The following PTCD1 variants were observed in gnomAD, a reference collection of about 807,000 sequenced individuals.
PTCD1 encodes the protein pentatricopeptide repeat domain 1, also known as pentatricopeptide repeat-containing protein 1, mitochondrial.
Under a neutral mutation model 53.4 loss-of-function variants are expected in PTCD1, and 50 were observed. The ratio of observed to expected loss-of-function variants is 0.94; its 90% CI spans 0.75 to 1.19. PTCD1 has a LOEUF of 1.19. PTCD1 is among the 50% of genes most tolerant of loss of function. PTCD1 has a pLI of 0.00. For missense variants in PTCD1, 918 were observed against 904.8 expected (o/e 1.01, Z -0.19); for synonymous variants, 413 against 394.8 (o/e 1.05, Z -0.55).
At chr7:99,434,478 AGG>A (rs1796382682) in intron 2 of PTCD1, among the ~76,000 whole-genome samples, 2 of 151,252 alleles carry the variant, frequency 1.3e-5, no homozygotes, top group Non-Finnish European at 2.9e-5. Flanking sequence ...GAGTGCTAGA[AGG>A]GTGTGGAGGA....
At chr7:99,438,637 T>C in intron 1 of PTCD1, 55 bp downstream of exon 1, 1 of 1,217,784 alleles carries the variant, frequency 8.2e-7, no homozygotes, top group East Asian at 8.7e-5. Context: ...CCTTCCCCTC[T>C]GGCGTGTCTT....
In PTCD1 at chr7:99,425,298, G is replaced by A. The variant is rs143293943; in HGVS notation, c.1234C>T (p.Pro412Ser). ...PEARVPGKAQPEVDTKAEPSH... is the reference protein window; with the variant it reads ...PEARVPGKAQSEVDTKAEPSH... ...GGCTCTGCCTTAGTATCCACCTCTG[G>A]TTGGGCCTTGCCGGGCACTCTGGCT... The change falls in exon 6 of 8, where the codon CCA (proline) becomes TCA (serine). Residue 412 changes from proline (P) to serine (S), a missense_variant. Transcript: ENST00000292478. The A allele has an allele frequency of 6.9e-4, 1,118 of 1,614,038 alleles. 1 individual carries two copies. Among genetic ancestry groups the A allele is most frequent in the Non-Finnish European group, 8.7e-4 (1,024 of 1,180,020 alleles).
chr7:99,431,420 A>AC (rs1321806775), intron 3 of PTCD1, among the ~76,000 whole-genome samples: 1 of 151,128 alleles, frequency 6.6e-6, no homozygotes, highest in Non-Finnish European at 1.5e-5. Flanking sequence ...GAGCCACCGC[A>AC]CCTGGCCAAA....
chr7:99,432,649 C>T (rs912361737), intron 3 of PTCD1, among the ~76,000 whole-genome samples: 1 of 152,210 alleles, frequency 6.6e-6, no homozygotes, highest in Non-Finnish European at 1.5e-5. Context: ...ATGCTGAGCA[C>T]CGGTCCCAGG....
At chr7:99,433,710 G>T (rs1010435189) in intron 2 of PTCD1, among the ~76,000 whole-genome samples, 9 of 152,178 alleles carry the variant, frequency 5.9e-5, no homozygotes, top group African/African-American at 2.2e-4. Context: ...TGCATATACG[G>T]CTGGGAACAA....
At chr7:99,428,058 C>T (rs1796121428) in intron 5 of PTCD1, among the ~76,000 whole-genome samples, 1 of 151,266 alleles carries the variant, frequency 6.6e-6, no homozygotes, top group African/African-American at 2.4e-5. Flanking sequence ...GTCCTATGAC[C>T]CTGCCAAATC....
chr7:99,427,438 G>A (rs1345547977), intron 5 of PTCD1, among the ~76,000 whole-genome samples: 4 of 148,892 alleles, frequency 2.7e-5, no homozygotes. Context: ...GGGAAGTGAG[G>A]AGCCCCTCTG....
chr7:99,419,248 C>A lies in PTCD1; in HGVS notation c.*719G>T. ...CATGAGGGAGCCAAATTTTCCCTGTCCAGAGCTGTCAAGGAAGGGTTTCTG... is the reference window on the plus strand; with the variant it reads ...CATGAGGGAGCCAAATTTTCCCTGTACAGAGCTGTCAAGGAAGGGTTTCTG... On this transcript the variant is annotated 3_prime_UTR_variant, in exon 8 of 8. Coordinates refer to ENST00000292478, the MANE Select transcript of PTCD1 (RefSeq NM_015545.4). The A allele has an allele frequency of 1.0e-6, 1 of 995,118 alleles. No individual in the cohort carries two copies. Among genetic ancestry groups the A allele is most frequent in the Non-Finnish European group, 1.5e-6 (1 of 657,836 alleles). The allele number at this position is 995,118 out of a possible 1,614,324, so 61.6% of individuals were successfully genotyped here. A position where few individuals can be genotyped will look rare whatever the true frequency, so the allele number is the denominator to read the frequency against.
rs1191716873 is a variant in PTCD1, at chr7:99,436,918, G to GT, written c.-26-1651dup. 8.5e-5 allele frequency among the ~76,000 whole-genome samples: 13 copies of GT among 152,358 alleles called. No individual in the cohort carries two copies. The South Asian group carries it at 2.7e-3, about 32-fold the overall frequency. On this transcript the variant is annotated intron_variant, in intron 1 of 7. Transcript: ENST00000292478. ...GCCCAGGCTGGAGTGCGATGGCACA[G>GT]TGGAGTGCAAATGCACAATCACTGC... is the stretch of plus-strand genomic sequence containing the variant.
intron 1 of PTCD1, 176 bp downstream of exon 1, chr7:99,438,498 GAGAGACCCGCCCCTCCTC>G (rs1268889713): frequency 9.0e-7 from 1 of 1,106,026 alleles, no homozygotes. Flanking sequence ...TCCTTCCTCG[GAGAGACCCGCCCCTCCTC>G]AGAGGCCCAC....
chr7:99,419,845 C>CA lies in PTCD1; in HGVS notation c.*121dup. ...TGTGTGTCCTCACCAACACCTGTGACACGCTGCGGCTGTTCCTCAGGGCCT... is the reference window on the plus strand; with the variant it reads ...TGTGTGTCCTCACCAACACCTGTGACAACGCTGCGGCTGTTCCTCAGGGCCT... On this transcript the variant is annotated 3_prime_UTR_variant, in exon 8 of 8. Coordinates refer to ENST00000292478, the MANE Select transcript of PTCD1 (RefSeq NM_015545.4). The CA allele has an allele frequency of 5.9e-6, 9 of 1,530,072 alleles. No individual in the cohort carries two copies. Among genetic ancestry groups the CA allele is most frequent in the Non-Finnish European group, 8.0e-6 (9 of 1,125,166 alleles). 94.8% of individuals were successfully genotyped at this position (1,530,072 alleles called of 1,614,324 possible). A position where few individuals can be genotyped will look rare whatever the true frequency, so the allele number is the denominator to read the frequency against.
At position 99,419,535 on chromosome 7, in the gene PTCD1, G is replaced by A. The variant is rs1303231103; in HGVS notation, c.*432C>T. On this transcript the variant is annotated 3_prime_UTR_variant, in exon 8 of 8. Transcript: ENST00000292478. ...GAGCAGCGAGCAGTGCCCCAGGCCC[G>A]AGTTGGAGCACGGTCTCTATGGGGA... is the stretch of plus-strand genomic sequence containing the variant. 2.7e-5 allele frequency: 39 copies of A among 1,437,318 alleles called. No homozygotes were observed. The highest frequency in any genetic ancestry group is 4.6e-5 in the East Asian group (2 of 43,862). 89.0% of individuals were successfully genotyped at this position (1,437,318 alleles called of 1,614,324 possible).
chr7:99,435,934 G>GA (rs529153885), intron 1 of PTCD1, among the ~76,000 whole-genome samples: 25,913 of 136,702 alleles, frequency 0.19, 4,190 homozygotes, highest in African/African-American at 0.45. Context: ...CTCTGTCTCA[G>GA]AAAAAAAAAA....
chr7:99,423,840 G>C lies in PTCD1; in HGVS notation c.1855C>G (p.Pro619Ala). 1.2e-6 allele frequency: 2 copies of C among 1,614,164 alleles called. No homozygotes were observed. The highest frequency in any genetic ancestry group is 1.3e-5 in the African/African-American group (1 of 75,038). ...TGGCGGATGACCACTTCGTTCACCG[G>C]GACCCTGTTCTGCTTCATGTCCTTC... ...ILKDMKQNRV[P>A]VNEVVIRQLE... Residue 619 changes from proline to alanine, a missense_variant, in exon 7 of 8, where the codon CCG becomes GCG. By Grantham distance (27) the Pro-to-Ala change is conservative (BLOSUM62 -1). Coordinates refer to ENST00000292478, the MANE Select transcript of PTCD1 (RefSeq NM_015545.4).
At position 99,429,668 on chromosome 7, in the gene PTCD1, G is replaced by C; in HGVS notation, c.733C>G (p.Leu245Val). Residue 245 changes from leucine (L) to valine (V), a missense_variant, in exon 4 of 8, where the codon CTC (leucine) becomes GTC (valine). Physicochemically the swap from Leu to Val is conservative, Grantham distance 32. Coordinates refer to ENST00000292478, the MANE Select transcript of PTCD1 (RefSeq NM_015545.4). The stretch of plus-strand genomic sequence containing the variant: ...AGCGCGTGGTATGTTTTCAAGTTGA[G>C]CTCGAAGTTTTTGGCCTGCAGCTGC... ...RQQLQAKNFE[L>V]NLKTYHALLK... The C allele has an allele frequency of 6.2e-7, 1 of 1,614,222 alleles. No homozygotes were observed. Among genetic ancestry groups the C allele is most frequent in the Non-Finnish European group, 8.5e-7 (1 of 1,180,042 alleles).
chr7:99,418,168 T>C lies in PTCD1; in HGVS notation c.*1799A>G, dbSNP rs2003498. 37,280 of 215,704 alleles carry C rather than the reference T, an allele frequency of 0.17. 7,714 individuals carry two copies. The highest frequency in any genetic ancestry group is 0.58 in the African/African-American group (24,412 of 42,338). 13.4% of individuals were successfully genotyped at this position (215,704 alleles called of 1,614,324 possible). On this transcript the variant is annotated 3_prime_UTR_variant, in exon 8 of 8. Coordinates refer to ENST00000292478, the MANE Select transcript of PTCD1 (RefSeq NM_015545.4). ...TTTTAGTAGAGACGGGGTTTCTCAA[T>C]GTTGCTCAGGCTGGTCTCGAACTCC...
At chr7:99,432,945 AG>A (rs1796319211) in intron 3 of PTCD1, 2 of 426,676 alleles carry the variant, frequency 4.7e-6, no homozygotes, top group South Asian at 4.3e-5. Flanking sequence ...GCTACTGGCG[AG>A]GCTGAGGCAG....
chr7:99,421,423 T>A, intron 7 of PTCD1, among the ~76,000 whole-genome samples: 1 of 124,190 alleles, frequency 8.1e-6, no homozygotes, highest in Non-Finnish European at 1.7e-5. Context: ...GTGATTCCCG[T>A]CTCTTTAAAA....
rs112223810 is a variant in PTCD1, at chr7:99,431,735, T to C, written c.594+1543A>G. Among the ~76,000 whole-genome samples, 13 of 152,146 alleles carry C rather than the reference T, an allele frequency of 8.5e-5. 1 individual carries two copies. The highest frequency in any genetic ancestry group is 2.6e-4 in the African/African-American group (11 of 41,538). Reference sequence around the variant, plus strand: ...CAGCCTGGGCGACAGAGCGAGACTCTGTCTCCAAAAAAAAAGGACTGTAGG... The same window carrying C: ...CAGCCTGGGCGACAGAGCGAGACTCCGTCTCCAAAAAAAAAGGACTGTAGG... On this transcript the variant is annotated intron_variant, in intron 3 of 7. Coordinates refer to ENST00000292478, the MANE Select transcript of PTCD1 (RefSeq NM_015545.4).
Sources: gnomAD v4.1 joint callset for allele counts (sites outside exome capture counted in the v4.1 genomes callset) on GRCh38, gnomAD v4.1.1 for gene constraint, MANE v1.5 for transcripts, NCBI Gene and HGNC (gene_info 2026-07-23, HGNC 2026-07-21) for gene names.